GMDS: variants seen among roughly 807,000 people sequenced by gnomAD.
GMDS encodes the protein GDP-mannose 4,6-dehydratase, also known as GDP-mannose 4,6 dehydratase.
A neutral mutation model predicts 49.9 loss-of-function variants in GMDS; 20 were observed. The ratio of observed to expected loss-of-function variants is 0.40; its 90% CI spans 0.28 to 0.58. The LOEUF (loss-of-function observed/expected upper bound fraction) is 0.58, where lower values mean the gene tolerates loss of function less well. Among genes scored for constraint, GMDS ranks in the 20% least tolerant of loss-of-function variants. The pLI is 0.42. For missense variants in GMDS, 362 were observed against 481.4 expected (o/e 0.75, Z 2.32); for synonymous variants, 177 against 178.6 (o/e 0.99, Z 0.07).
intron 1 of GMDS, among the ~76,000 whole-genome samples, chr6:2,133,552 A>C (rs1407730690): frequency 6.6e-6 from 1 of 152,322 alleles, no homozygotes; most frequent in African/African-American, 2.4e-5. Context: ...ACCGTTCTTA[A>C]AATATGTGCA....
intron 4 of GMDS, chr6:2,043,245 T>C (rs962389876): frequency 1.8e-4 from 28 of 152,308 alleles, no homozygotes; most frequent in African/African-American, 6.7e-4. Flanking sequence ...TACATCACTG[T>C]TGAAAAATCC....
At chr6:1,870,612 T>C (rs1758687473) in intron 7 of GMDS, among the ~76,000 whole-genome samples, 1 of 152,184 alleles carries the variant, frequency 6.6e-6, no homozygotes, top group Non-Finnish European at 1.5e-5. Context: ...AGCTACTTAG[T>C]TCAGTGCTAG....
chr6:2,226,152 C>G lies in GMDS; in HGVS notation c.102+19169G>C, dbSNP rs141340167. ...TAGACCAACACTGAGCCAGGCCATC[C>G]CAGTTTTCACTCTCTTCTGGACACT... On this transcript the variant is annotated intron_variant, in intron 1 of 10. Transcript: ENST00000380815. Among the ~76,000 whole-genome samples the G allele has an allele frequency of 5.3e-3, 814 of 152,254 alleles. 2 individuals carry two copies. Among genetic ancestry groups the G allele is most frequent in the Middle Eastern group, 0.017 (5 of 294 alleles).
chr6:1,661,799 C>T (rs1239536864), intron 9 of GMDS, among the ~76,000 whole-genome samples: 1 of 152,222 alleles, frequency 6.6e-6, no homozygotes, highest in East Asian at 1.9e-4. Context: ...GGGTGCAGCC[C>T]TTGCTTCAGC....
intron 7 of GMDS, among the ~76,000 whole-genome samples, chr6:1,867,930 C>A (rs1699780533): frequency 2.6e-5 from 4 of 151,912 alleles, no homozygotes; most frequent in African/African-American, 7.3e-5. Context: ...GGGTGCTTCC[C>A]CCAACAGATG....
At chr6:1,761,416 T>C (rs1310141854) in intron 7 of GMDS, among the ~76,000 whole-genome samples, 1 of 152,224 alleles carries the variant, frequency 6.6e-6, no homozygotes, top group Non-Finnish European at 1.5e-5. Context: ...CATTTATTTT[T>C]TGGTGACTAA....
At chr6:1,828,681 A>G (rs186163864) in intron 7 of GMDS, among the ~76,000 whole-genome samples, 168 of 152,354 alleles carry the variant, frequency 1.1e-3, no homozygotes, top group Non-Finnish European at 1.1e-3. Context: ...CAAGAATTCT[A>G]TATTTAGCAA....
chr6:1,893,462 A>G (rs1354270677), intron 7 of GMDS, among the ~76,000 whole-genome samples: 1 of 152,176 alleles, frequency 6.6e-6, no homozygotes, highest in Non-Finnish European at 1.5e-5. Flanking sequence ...CTGGGATTAC[A>G]GGTGTGAGCC....
At chr6:1,913,961 A>G (rs1401673998) in intron 7 of GMDS, among the ~76,000 whole-genome samples, 1 of 151,998 alleles carries the variant, frequency 6.6e-6, no homozygotes, top group Non-Finnish European at 1.5e-5. Flanking sequence ...GTACGGGGGG[A>G]AAGGAAAAAA....
intron 4 of GMDS, among the ~76,000 whole-genome samples, chr6:1,975,735 T>G (rs1764863355): frequency 6.6e-6 from 1 of 152,196 alleles, no homozygotes; most frequent in Non-Finnish European, 1.5e-5. Flanking sequence ...TTGGACCATT[T>G]GAAGACAATG....
At chr6:1,720,282 C>G (rs764947829) in intron 9 of GMDS, among the ~76,000 whole-genome samples, 10 of 151,984 alleles carry the variant, frequency 6.6e-5, no homozygotes, top group Non-Finnish European at 1.5e-5. Flanking sequence ...TGTTATATGG[C>G]CCTTGGGGAT....
At chr6:2,156,746 G>A (rs181682882) in intron 1 of GMDS, among the ~76,000 whole-genome samples, 1 of 152,012 alleles carries the variant, frequency 6.6e-6, no homozygotes, top group African/African-American at 2.4e-5. Context: ...TAGATATTAT[G>A]TTTATCTCTG....
At chr6:1,873,182 C>T (rs1237504481) in intron 7 of GMDS, among the ~76,000 whole-genome samples, 6 of 152,312 alleles carry the variant, frequency 3.9e-5, no homozygotes, top group South Asian at 2.1e-4. Context: ...GTAGAATTAA[C>T]GAACTAAATG....
chr6:1,645,085 G>A (rs991808881), intron 9 of GMDS, among the ~76,000 whole-genome samples: 1 of 152,034 alleles, frequency 6.6e-6, no homozygotes, highest in Non-Finnish European at 1.5e-5. Flanking sequence ...ACAGGCATGT[G>A]CCACCACGCC....
At chr6:1,765,974 C>T (rs1768335188) in intron 7 of GMDS, among the ~76,000 whole-genome samples, 1 of 152,156 alleles carries the variant, frequency 6.6e-6, no homozygotes, top group South Asian at 2.1e-4. Flanking sequence ...AAGGCTTTCA[C>T]CTGGGTCCTT....
intron 9 of GMDS, among the ~76,000 whole-genome samples, chr6:1,647,495 C>T (rs1053507173): frequency 6.6e-6 from 1 of 152,160 alleles, no homozygotes; most frequent in Non-Finnish European, 1.5e-5. Context: ...TCAGCTATAC[C>T]AGAGGATATG....
intron 8 of GMDS, among the ~76,000 whole-genome samples, chr6:1,737,592 TACACACACC>T (rs769759157): frequency 1.4e-3 from 150 of 110,540 alleles, no homozygotes; most frequent in African/African-American, 3.4e-3. Context: ...TACACACACA[TACACACACC>T]ACACACACCA....
chr6:2,236,227 C>T lies in GMDS; in HGVS notation c.102+9094G>A, dbSNP rs552918125. Among the ~76,000 whole-genome samples the T allele has an allele frequency of 3.9e-5, 6 of 152,304 alleles. No homozygotes were observed. The South Asian group carries it at 8.3e-4, about 21-fold the overall frequency. ...CATCCACCTAGACCCACCCAGCCAC[C>T]GTGTTACCCACATGGTCTTTGAGGG... On this transcript the variant is annotated intron_variant, in intron 1 of 10. Transcript: ENST00000380815.
intron 4 of GMDS, among the ~76,000 whole-genome samples, chr6:2,020,092 C>T (rs1768181578): frequency 6.6e-6 from 1 of 152,016 alleles, no homozygotes; most frequent in Admixed American, 6.6e-5. Context: ...ATATGTTTAA[C>T]CTAAAGTCTT....
Sources: gnomAD v4.1 joint callset for allele counts (sites outside exome capture counted in the v4.1 genomes callset) on GRCh38, gnomAD v4.1.1 for gene constraint, MANE v1.5 for transcripts, NCBI Gene and HGNC (gene_info 2026-07-23, HGNC 2026-07-21) for gene names.